Variants in VSIG1 observed in about 807,000 individuals in gnomAD.
VSIG1 encodes the protein V-set and immunoglobulin domain-containing protein 1.
Under a neutral mutation model 20.1 loss-of-function variants are expected in VSIG1, and 11 were observed. The observed-to-expected ratio is 0.55, with a 90% CI of 0.34 to 0.91. VSIG1 has a LOEUF of 0.91. Ranked by LOEUF, VSIG1 falls within the 40% of genes least tolerant of loss-of-function variation. The probability of loss-of-function intolerance (pLI) is 0.02; values close to 1 mark genes in which losing one functional copy is unlikely to be tolerated. For missense variants in VSIG1, 283 were observed against 298.8 expected (o/e 0.95, Z 0.39); for synonymous variants, 126 against 116.7 (o/e 1.08, Z -0.52).
At chrX:108,074,783 C>G (rs807163) in intron 5 of VSIG1, among the ~76,000 whole-genome samples, 54,935 of 110,150 alleles carry the variant, frequency 0.5, 10,753 homozygotes, top group African/African-American at 0.68. Context: ...AAAGCTGAAG[C>G]ATGACGGTAG....
At chrX:108,053,763 T>C (rs2030836906) in intron 1 of VSIG1, among the ~76,000 whole-genome samples, 1 of 111,853 alleles carries the variant, frequency 8.9e-6, no homozygotes, top group Non-Finnish European at 1.9e-5. Flanking sequence ...AGAAAGAGTG[T>C]GAGTGTGTGA....
intron 2 of VSIG1, among the ~76,000 whole-genome samples, chrX:108,064,301 C>T (rs756393341): frequency 6.3e-4 from 70 of 111,598 alleles, no homozygotes; most frequent in African/African-American, 2.2e-3. Context: ...GCCCTCACTA[C>T]CCCCATTTCT....
chrX:108,047,394 T>A (rs771798932), intron 1 of VSIG1, among the ~76,000 whole-genome samples: 14 of 111,782 alleles, frequency 1.3e-4, no homozygotes, highest in African/African-American at 4.5e-4. Context: ...TGCAAAAAAT[T>A]TATGCATATC....
intron 2 of VSIG1, chrX:108,064,892 G>A (rs1301105771): frequency 1.5e-5 from 4 of 265,881 alleles, no homozygotes; most frequent in African/African-American, 1.2e-4. Context: ...TCAAATGAAA[G>A]TAATCCTCTG....
intron 2 of VSIG1, among the ~76,000 whole-genome samples, chrX:108,061,772 C>A (rs552340509): frequency 2.7e-5 from 3 of 110,146 alleles, no homozygotes; most frequent in African/African-American, 9.9e-5. Flanking sequence ...AGGGCAGTGG[C>A]CAGCTCTTTC....
At position 108,079,073 on chromosome X, in the gene VSIG1, A is replaced by G. The variant is rs1214416514; in HGVS notation, c.*1692A>G. 8.9e-6 allele frequency: 1 copy of G among 112,447 alleles called. No homozygotes were observed. The highest frequency in any genetic ancestry group is 1.9e-5 in the Non-Finnish European group (1 of 53,295). 9.3% of individuals were successfully genotyped at this position (112,447 alleles called of 1,213,427 possible). A position where few individuals can be genotyped will look rare whatever the true frequency, so the allele number is the denominator to read the frequency against. On this transcript the variant is annotated 3_prime_UTR_variant, in exon 7 of 7. Transcript: ENST00000217957. ...ATATTTAAATCTTACTTTAAGGCTCAATAAATAATACTCATAATGTCTCAT... is the reference window on the plus strand; with the variant it reads ...ATATTTAAATCTTACTTTAAGGCTCGATAAATAATACTCATAATGTCTCAT...
At chrX:108,072,450 A>G (rs1188725602) in intron 3 of VSIG1, among the ~76,000 whole-genome samples, 8 of 111,090 alleles carry the variant, frequency 7.2e-5, no homozygotes, top group Non-Finnish European at 1.5e-4. Context: ...ATGGTGTTTC[A>G]TCACATTGGC....
the VSIG1 span, among the ~76,000 whole-genome samples, chrX:108,036,172 T>C: frequency 2.9e-5 from 3 of 104,388 alleles, no homozygotes; most frequent in Non-Finnish European, 3.9e-5. Context: ...AGGATGTCTG[T>C]TTTTTAGGGT....
chrX:108,069,006 A>T (rs1012825259), intron 3 of VSIG1, among the ~76,000 whole-genome samples: 2 of 111,532 alleles, frequency 1.8e-5, no homozygotes, highest in African/African-American at 6.5e-5. Flanking sequence ...AGGGGTTTTT[A>T]AATGTTCAAA....
intron 1 of VSIG1, among the ~76,000 whole-genome samples, chrX:108,056,834 T>G: frequency 8.9e-6 from 1 of 112,126 alleles, no homozygotes; most frequent in South Asian, 3.7e-4. Context: ...CCTGGCTGGT[T>G]TTTTAAAATA....
Position 108,056,910 on chromosome X carries a change from A to G in VSIG1, c.50-1128A>G, listed in dbSNP as rs772058897. On this transcript the variant is annotated intron_variant, in intron 1 of 6. Transcript: ENST00000217957. Reference sequence around the variant, plus strand: ...TGTTGGGCATTTGTGCCAGAGAAATAAAAATTTATGTTCATGCAAATCTGT... The same window carrying G: ...TGTTGGGCATTTGTGCCAGAGAAATGAAAATTTATGTTCATGCAAATCTGT... Among the ~76,000 whole-genome samples the G allele has an allele frequency of 9.7e-4, 109 of 112,374 alleles. 1 individual carries two copies. Among genetic ancestry groups the G allele is most frequent in the Admixed American group, 1.7e-3 (18 of 10,618 alleles).
At chrX:108,072,555 G>T (rs1205015542) in intron 3 of VSIG1, 122 bp from the exon 4 acceptor site, 24 of 802,537 alleles carry the variant, frequency 3.0e-5, no homozygotes, top group Non-Finnish European at 4.0e-5. Context: ...GCCTGGCCAA[G>T]AATTTTTTTT....
At chrX:108,022,998 A>G in the VSIG1 span, among the ~76,000 whole-genome samples, 18 of 112,219 alleles carry the variant, frequency 1.6e-4, no homozygotes, top group African/African-American at 5.5e-4. Flanking sequence ...GAAGTAGATG[A>G]TAGTGCTATG....
rs1256836294 is a variant in VSIG1 at position 108,077,672 on chromosome X, G to A, written c.*291G>A. 3 of 286,588 alleles carry A rather than the reference G, an allele frequency of 1.0e-5. No homozygotes were observed. The highest frequency in any genetic ancestry group is 2.8e-5 in the African/African-American group (1 of 36,321). The allele number at this position is 286,588 out of a possible 1,213,427, so 23.6% of individuals were successfully genotyped here. A position where few individuals can be genotyped will look rare whatever the true frequency, so the allele number is the denominator to read the frequency against. ...TGAGTTTTGCAACAGTACCTGTGTT[G>A]TTATTTCAGAAAATATTATTTCTCT... On this transcript the variant is annotated 3_prime_UTR_variant, in exon 7 of 7. Coordinates refer to ENST00000217957, the MANE Select transcript of VSIG1 (RefSeq NM_182607.5).
chrX:108,021,360 T>C, the VSIG1 span, among the ~76,000 whole-genome samples: 2 of 111,877 alleles, frequency 1.8e-5, no homozygotes, highest in Non-Finnish European at 3.8e-5. Context: ...TAAAACCAGC[T>C]TGTTTCTATG....
chrX:108,052,938 C>G (rs947213617), intron 1 of VSIG1, among the ~76,000 whole-genome samples: 1 of 110,277 alleles, frequency 9.1e-6, no homozygotes, highest in Non-Finnish European at 1.9e-5. Context: ...TCCCCTCCCC[C>G]CAAAAAACAA....
intron 5 of VSIG1, among the ~76,000 whole-genome samples, chrX:108,074,535 G>A (rs1488555697): frequency 9.0e-6 from 1 of 111,287 alleles, no homozygotes; most frequent in Non-Finnish European, 1.9e-5. Flanking sequence ...ACTGTCCTAG[G>A]TGATAAAGAT....
intron 3 of VSIG1, 113 bp downstream of exon 3, chrX:108,067,247 A>G: frequency 2.6e-6 from 2 of 780,462 alleles, no homozygotes; most frequent in Non-Finnish European, 3.7e-6. Context: ...TATACTCCCT[A>G]ATATTTTCAT....
intron 1 of VSIG1, among the ~76,000 whole-genome samples, chrX:108,047,805 TATAC>T (rs1322493516): frequency 1.3e-4 from 9 of 70,738 alleles, no homozygotes; most frequent in African/African-American, 4.7e-4. Context: ...TATATATATA[TATAC>T]ATATATATAT....
Sources: allele counts gnomAD v4.1 joint callset (sites outside exome capture counted in the v4.1 genomes callset), GRCh38; gene constraint gnomAD v4.1.1; transcripts MANE v1.5; gene names NCBI Gene and HGNC (gene_info 2026-07-23, HGNC 2026-07-21).